CAMTA1: variants seen among roughly 807,000 people sequenced by gnomAD.
CAMTA1 encodes the protein calmodulin binding transcription activator 1, also known as calmodulin-binding transcription activator 1.
In CAMTA1, 27 loss-of-function variants were observed where a neutral mutation model predicts 170.9. That is an observed-to-expected ratio of 0.16 (90% CI 0.12 to 0.22). CAMTA1 has a LOEUF of 0.22. Among genes scored for constraint, CAMTA1 ranks in the 10% least tolerant of loss-of-function variants. The probability of loss-of-function intolerance (pLI) is 1.00; values close to 1 mark genes in which losing one functional copy is unlikely to be tolerated. For synonymous variants in CAMTA1, 833 were observed against 891.5 expected (o/e 0.93, Z 1.17); for missense variants, 1,619 against 2,217.2 (o/e 0.73, Z 5.42).
intron 5 of CAMTA1, among the ~76,000 whole-genome samples, chr1:7,454,979 CA>C (rs1172945961): frequency 5.9e-5 from 9 of 152,180 alleles, no homozygotes; most frequent in Admixed American, 5.9e-4. Context: ...AGTCAGGGCT[CA>C]GTGAGACTGA....
chr1:7,654,655 T>TAC (rs58181190), intron 7 of CAMTA1, among the ~76,000 whole-genome samples: 96,395 of 141,428 alleles, frequency 0.68, 33,076 homozygotes, highest in East Asian at 0.92. Flanking sequence ...CACACACCTA[T>TAC]ACACACACAC....
chr1:6,991,218 T>C (rs1044008040), intron 3 of CAMTA1, among the ~76,000 whole-genome samples: 3 of 152,194 alleles, frequency 2.0e-5, no homozygotes, highest in African/African-American at 7.2e-5. Flanking sequence ...CAAGTCTTTT[T>C]TGGGGATGTG....
intron 3 of CAMTA1, among the ~76,000 whole-genome samples, chr1:6,828,438 C>T (rs941324795): frequency 2.6e-5 from 4 of 151,708 alleles, no homozygotes; most frequent in Admixed American, 6.6e-5. Context: ...ACTACAGGTG[C>T]GTGCCACCAT....
At position 7,745,893 on chromosome 1, in the gene CAMTA1, C is replaced by T. The variant is rs1193331150; in HGVS notation, c.4419C>T (p.Ser1473=). 3 of 1,614,182 alleles carry T rather than the reference C, an allele frequency of 1.9e-6. No individual in the cohort carries two copies. Among genetic ancestry groups the T allele is most frequent in the Admixed American group, 3.3e-5 (2 of 60,028 alleles). The part of the protein sequence containing the change: ...PLTPSSNTSL[S]PVGSPVSEIA... ...CCCCTTCTTCTAATACCAGCTTGAG[C>T]CCTGTTGGCTCTCCCGTCAGTGAAA... Residue 1473 remains serine (S), a synonymous_variant, in exon 18 of 23, where the codon AGC becomes AGT. Transcript: ENST00000303635.
chr1:7,500,105 G>A (rs6684899), intron 6 of CAMTA1, among the ~76,000 whole-genome samples: 51,905 of 134,032 alleles, frequency 0.39, 11,016 homozygotes, highest in Middle Eastern at 0.5. Context: ...GTGTGTAGAA[G>A]ATTGTGTGAG....
Position 7,293,485 on chromosome 1 carries a change from G to A in CAMTA1, c.438+43859G>A, listed in dbSNP as rs1673459608. Among the ~76,000 whole-genome samples the A allele has an allele frequency of 6.6e-6, 1 of 152,176 alleles. No individual in the cohort carries two copies. The highest frequency in any genetic ancestry group is 2.1e-4 in the South Asian group (1 of 4,830). On this transcript the variant is annotated intron_variant, in intron 5 of 22. Coordinates refer to ENST00000303635, the MANE Select transcript of CAMTA1 (RefSeq NM_015215.4). This position sits in a 1 kb window ranked among gnomAD's most constrained non-coding sequence, Gnocchi z 4.1. The stretch of plus-strand genomic sequence containing the variant: ...ATGGGGTGTTGTGGGGCAGAGGCCC[G>A]GATGGCTCCATGATCCATGTGCATG...
intron 6 of CAMTA1, among the ~76,000 whole-genome samples, chr1:7,573,622 T>C (rs1184105533): frequency 6.6e-6 from 1 of 152,204 alleles, no homozygotes; most frequent in Non-Finnish European, 1.5e-5. Context: ...TGGCAAGCAT[T>C]GGTACCCCTT....
chr1:7,012,958 C>A (rs1700024543), intron 3 of CAMTA1, among the ~76,000 whole-genome samples: 1 of 152,168 alleles, frequency 6.6e-6, no homozygotes, highest in South Asian at 2.1e-4. Context: ...CTCCCCACAT[C>A]TGATCTGGCT....
intron 5 of CAMTA1, among the ~76,000 whole-genome samples, chr1:7,288,144 A>C (rs1280374685): frequency 1.3e-5 from 2 of 152,172 alleles, no homozygotes; most frequent in Non-Finnish European, 1.5e-5. Context: ...ACCTTCCCTG[A>C]TAAGCAGTGG....
rs1679495300 is a variant in CAMTA1 at position 6,910,632 on chromosome 1, T to G, written c.234+85422T>G. On this transcript the variant is annotated intron_variant, in intron 3 of 22. Coordinates refer to ENST00000303635, the MANE Select transcript of CAMTA1 (RefSeq NM_015215.4). Reference sequence around the variant, plus strand: ...ACCTTGAGTCCCTCCAACATGTCACTATCTGGGAAGGTCATTGTGTCCTTG... The same window carrying G: ...ACCTTGAGTCCCTCCAACATGTCACGATCTGGGAAGGTCATTGTGTCCTTG... Among the ~76,000 whole-genome samples, 5 of 152,352 alleles carry G rather than the reference T, an allele frequency of 3.3e-5. No homozygotes were observed. In the South Asian group the frequency reaches 1.0e-3, roughly 32 times the overall value.
chr1:7,003,829 G>A (rs895604868), intron 3 of CAMTA1, among the ~76,000 whole-genome samples: 2 of 152,184 alleles, frequency 1.3e-5, no homozygotes, highest in Non-Finnish European at 2.9e-5. Flanking sequence ...GAAGTATCTG[G>A]TTTATGCCCT....
chr1:7,440,365 G>T (rs1192980621), intron 5 of CAMTA1, among the ~76,000 whole-genome samples: 1 of 152,250 alleles, frequency 6.6e-6, no homozygotes, highest in Non-Finnish European at 1.5e-5. Flanking sequence ...GGGCAGAGCT[G>T]GGACAGTCCC....
intron 5 of CAMTA1, among the ~76,000 whole-genome samples, chr1:7,294,510 C>T (rs942946084): frequency 7.9e-5 from 12 of 152,154 alleles, no homozygotes; most frequent in Non-Finnish European, 4.4e-5. Context: ...CCTGCTTGCT[C>T]ATATTCCTCG....
At position 7,565,488 on chromosome 1, in the gene CAMTA1, G is replaced by A. The variant is rs1399633473; in HGVS notation, c.511-74912G>A. On this transcript the variant is annotated intron_variant, in intron 6 of 22. Coordinates refer to ENST00000303635, the MANE Select transcript of CAMTA1 (RefSeq NM_015215.4). This position sits in a 1 kb window ranked among gnomAD's most constrained non-coding sequence, Gnocchi z 4.5. The stretch of plus-strand genomic sequence containing the variant: ...CCAGGAACAGAGGGCTTGGCTGAGT[G>A]TCCACATCAGGGGCTGGGCTTTCCG... Among the ~76,000 whole-genome samples the A allele has an allele frequency of 5.9e-5, 9 of 152,208 alleles. No homozygotes were observed. The highest frequency in any genetic ancestry group is 1.9e-4 in the African/African-American group (8 of 41,462).
intron 3 of CAMTA1, among the ~76,000 whole-genome samples, chr1:7,032,106 C>T (rs1702895197): frequency 6.6e-6 from 1 of 152,120 alleles, no homozygotes; most frequent in Non-Finnish European, 1.5e-5. Context: ...GCTGGTATTA[C>T]AGGCACCCAC....
intron 3 of CAMTA1, among the ~76,000 whole-genome samples, chr1:7,009,186 C>T (rs1349226900): frequency 6.6e-6 from 1 of 152,246 alleles, no homozygotes; most frequent in East Asian, 1.9e-4. Context: ...CAGAACAAGG[C>T]AGGCTCGGAC....
At chr1:6,824,432 C>G (rs1260661842) in intron 2 of CAMTA1, among the ~76,000 whole-genome samples, 2 of 151,898 alleles carry the variant, frequency 1.3e-5, no homozygotes, top group Admixed American at 1.3e-4. Context: ...TATTTTTTCT[C>G]TAACTCATTT....
chr1:6,816,090 G>T (rs963019442), intron 1 of CAMTA1, among the ~76,000 whole-genome samples: 2 of 152,180 alleles, frequency 1.3e-5, no homozygotes, highest in African/African-American at 2.4e-5. Context: ...TTGGGCATCA[G>T]AGTTTTGGAG....
At chr1:7,448,240 G>A (rs536841075) in intron 5 of CAMTA1, among the ~76,000 whole-genome samples, 1 of 152,332 alleles carries the variant, frequency 6.6e-6, no homozygotes, top group Non-Finnish European at 1.5e-5. Flanking sequence ...CATGGAGTGG[G>A]GGGGCTCTCC....
Sources: gnomAD v4.1 joint callset for allele counts (sites outside exome capture counted in the v4.1 genomes callset) on GRCh38, gnomAD v4.1.1 for gene constraint, Gnocchi (gnomAD v3.1) non-coding constraint, MANE v1.5 for transcripts, NCBI Gene and HGNC (gene_info 2026-07-23, HGNC 2026-07-21) for gene names.